The following ELF1 variants were observed in gnomAD, a reference collection of about 807,000 sequenced individuals.
The protein encoded by ELF1 is ETS-related transcription factor Elf-1.
A neutral mutation model predicts 59.9 loss-of-function variants in ELF1; 24 were observed. That is an observed-to-expected ratio of 0.40 (90% CI 0.29 to 0.56). The LOEUF is 0.56. ELF1 is among the 20% of genes least tolerant of loss of function. The pLI, the probability that ELF1 is intolerant of heterozygous loss-of-function variation, is 0.44. For synonymous variants in ELF1, 248 were observed against 266.2 expected, an observed-to-expected ratio of 0.93 and a Z score of 0.67; for missense variants, 627 against 742.2, an observed-to-expected ratio of 0.84 and a Z score of 1.80.
chr13:41,032,584 G>C (rs1437150103), intron 1 of ELF1, among the ~76,000 whole-genome samples: 4 of 151,888 alleles, frequency 2.6e-5, no homozygotes, highest in Non-Finnish European at 5.9e-5. Flanking sequence ...ACAGGGCCGG[G>C]CACAGTGTCT....
intron 1 of ELF1, among the ~76,000 whole-genome samples, chr13:41,028,164 T>G (rs1876014874): frequency 6.6e-6 from 1 of 152,202 alleles, no homozygotes; most frequent in Non-Finnish European, 1.5e-5. Flanking sequence ...ACAATAATGA[T>G]TCCATGGAAC....
chr13:41,055,578 T>A (rs760463119), intron 1 of ELF1, among the ~76,000 whole-genome samples: 2 of 152,194 alleles, frequency 1.3e-5, no homozygotes, highest in Non-Finnish European at 2.9e-5. Flanking sequence ...ATCATAATTA[T>A]CTGTATACTT....
intron 1 of ELF1, among the ~76,000 whole-genome samples, chr13:41,036,231 T>C (rs1876377638): frequency 6.6e-6 from 1 of 152,128 alleles, no homozygotes; most frequent in Non-Finnish European, 1.5e-5. Context: ...AAAATTTTTT[T>C]CTAATTAGAA....
intron 1 of ELF1, among the ~76,000 whole-genome samples, chr13:41,055,529 G>A (rs1322492242): frequency 1.3e-5 from 2 of 151,400 alleles, no homozygotes; most frequent in Non-Finnish European, 2.9e-5. Flanking sequence ...ATGACCCCTG[G>A]CTTAGTCCCC....
intron 1 of ELF1, among the ~76,000 whole-genome samples, chr13:41,015,109 G>A (rs1875280430): frequency 6.6e-6 from 1 of 152,116 alleles, no homozygotes; most frequent in Non-Finnish European, 1.5e-5. Context: ...GTAAGGGGGT[G>A]TTTTTCCTAA....
chr13:40,958,809 G>A (rs1300265421), intron 3 of ELF1, 27 bp downstream of exon 3: 1 of 1,585,628 alleles, frequency 6.3e-7, no homozygotes. Flanking sequence ...GCTGCAGCAA[G>A]GTCCTACTGG....
At chr13:41,036,644 C>T (rs1410470931) in intron 1 of ELF1, among the ~76,000 whole-genome samples, 2 of 152,140 alleles carry the variant, frequency 1.3e-5, no homozygotes, top group Admixed American at 6.5e-5. Context: ...GCTATGAAGA[C>T]GCATGCATAC....
At chr13:40,977,678 T>G (rs1872996459) in intron 2 of ELF1, among the ~76,000 whole-genome samples, 1 of 152,244 alleles carries the variant, frequency 6.6e-6, no homozygotes, top group Non-Finnish European at 1.5e-5. Flanking sequence ...AAATACTTTT[T>G]AACTTTAAAA....
chr13:41,017,761 A>G (rs1003361318), intron 1 of ELF1, among the ~76,000 whole-genome samples: 2 of 151,944 alleles, frequency 1.3e-5, no homozygotes, highest in Non-Finnish European at 2.9e-5. Context: ...GTGCCTCTTG[A>G]TTTTTCTCTT....
chr13:41,038,006 C>T (rs1221504901), intron 1 of ELF1, among the ~76,000 whole-genome samples: 1 of 150,964 alleles, frequency 6.6e-6, no homozygotes, highest in African/African-American at 2.4e-5. Flanking sequence ...TCTCCCCATC[C>T]CTCAAGGATC....
Position 40,943,750 on chromosome 13 carries a change from T to C in ELF1, c.613+92A>G, listed in dbSNP as rs972928363. ...GGCAGCAATAAGATCCACTGCAGTA[T>C]ATCAAGAAAGCTGGTGGTTTCTAGT... On this transcript the variant is annotated intron_variant, in intron 6 of 8. Coordinates refer to ENST00000239882, the MANE Select transcript of ELF1 (RefSeq NM_172373.4). 40 of 1,077,532 alleles carry C rather than the reference T, an allele frequency of 3.7e-5. No individual in the cohort carries two copies. The South Asian group carries it at 7.6e-4, about 20-fold the overall frequency. The allele number at this position is 1,077,532 out of a possible 1,614,324, so 66.7% of individuals were successfully genotyped here. A position where few individuals can be genotyped will look rare whatever the true frequency, so the allele number is the denominator to read the frequency against.
Position 40,972,434 on chromosome 13 carries a change from T to C in ELF1, c.72+9549A>G, listed in dbSNP as rs142526469. Reference sequence around the variant, plus strand: ...GAATCAAGACAGCCATTCTGGATTATCAAAGGAAAAATGTGACAACAGAAC... The same window carrying C: ...GAATCAAGACAGCCATTCTGGATTACCAAAGGAAAAATGTGACAACAGAAC... On this transcript the variant is annotated intron_variant, in intron 2 of 8. Coordinates refer to ENST00000239882, the MANE Select transcript of ELF1 (RefSeq NM_172373.4). 8.7e-3 allele frequency among the ~76,000 whole-genome samples: 1,323 copies of C among 152,290 alleles called. 26 individuals are homozygous for C. The highest frequency in any genetic ancestry group is 0.03 in the African/African-American group (1,255 of 41,560).
intron 1 of ELF1, among the ~76,000 whole-genome samples, chr13:41,042,372 A>G (rs1233591092): frequency 1.3e-5 from 2 of 151,626 alleles, no homozygotes; most frequent in Non-Finnish European, 2.9e-5. Flanking sequence ...GGTTTGTCAC[A>G]TATGTATACA....
chr13:40,967,758 A>AT lies in ELF1; in HGVS notation c.73-8743dup, dbSNP rs368951830. Among the ~76,000 whole-genome samples the AT allele has an allele frequency of 7.3e-3, 1,050 of 144,472 alleles. 9 individuals carry two copies. The highest frequency in any genetic ancestry group is 0.02 in the African/African-American group (806 of 39,682). The allele number at this position is 144,472 out of a possible 152,430, so 94.8% of individuals were successfully genotyped here. On this transcript the variant is annotated intron_variant, in intron 2 of 8. Transcript: ENST00000239882. ...AGGCGTATGCCACCATGTCTGGCTA[A>AT]TTTTTTTTTTTTTGTAGAGATGAGG... is the stretch of plus-strand genomic sequence containing the variant.
intron 4 of ELF1, among the ~76,000 whole-genome samples, chr13:40,950,880 T>C (rs969829335): frequency 3.9e-5 from 6 of 152,236 alleles, no homozygotes; most frequent in African/African-American, 1.4e-4. Context: ...ATGAATTTGA[T>C]TGCTTGTCAG....
rs1417952492 is a variant in ELF1 at position 41,018,700 on chromosome 13, T to TA, written c.-229+527dup. Reference sequence around the variant, plus strand: ...ACATTTAATATAATTTCATTAACTTTAAAAAACAGAGAGGGAGAAAAAAAT... The same window carrying TA: ...ACATTTAATATAATTTCATTAACTTTAAAAAAACAGAGAGGGAGAAAAAAAT... On this transcript the variant is annotated intron_variant, in intron 1 of 8. Coordinates refer to ENST00000239882, the MANE Select transcript of ELF1 (RefSeq NM_172373.4). 2.0e-5 allele frequency among the ~76,000 whole-genome samples: 3 copies of TA among 152,140 alleles called. No individual in the cohort carries two copies. In the East Asian group the frequency reaches 5.8e-4, roughly 29 times the overall value.
chr13:40,939,703 A>T (rs553336289), intron 8 of ELF1, among the ~76,000 whole-genome samples: 1 of 152,334 alleles, frequency 6.6e-6, no homozygotes, highest in Admixed American at 6.5e-5. Context: ...CACCAATAAG[A>T]TGCTCAAAGG....
In ELF1 at chr13:40,934,619, T is replaced by C. The variant is rs1458116481; in HGVS notation, c.1257-591A>G. ...TAGTTTTAATTGAGATGGGGTTTTC[T>C]ATGTTGGTCAGGCTGGTCTCAAAGT... On this transcript the variant is annotated intron_variant, in intron 8 of 8. Coordinates refer to ENST00000239882, the MANE Select transcript of ELF1 (RefSeq NM_172373.4). 3.3e-5 allele frequency among the ~76,000 whole-genome samples: 5 copies of C among 152,076 alleles called. No individual in the cohort carries two copies. In the East Asian group the frequency reaches 9.7e-4, roughly 29 times the overall value.
chr13:41,055,437 C>T (rs753121290), intron 1 of ELF1, among the ~76,000 whole-genome samples: 2 of 151,400 alleles, frequency 1.3e-5, no homozygotes, highest in African/African-American at 2.4e-5. Flanking sequence ...AAGCTTATCT[C>T]GAATGCTGCC....
Sources: allele counts gnomAD v4.1 joint callset (sites outside exome capture counted in the v4.1 genomes callset), GRCh38; gene constraint gnomAD v4.1.1; transcripts MANE v1.5; gene names NCBI Gene and HGNC (gene_info 2026-07-23, HGNC 2026-07-21).